Variants in ARHGAP15 observed in about 807,000 individuals in gnomAD.
The protein encoded by ARHGAP15 is rho GTPase-activating protein 15.
A neutral mutation model predicts 63.7 loss-of-function variants in ARHGAP15; 51 were observed. The ratio of observed to expected loss-of-function variants is 0.80; its 90% CI spans 0.64 to 1.01. The LOEUF is 1.01. ARHGAP15 is among the 50% of genes least tolerant of loss of function. The probability of loss-of-function intolerance (pLI) is 0.00; values close to 1 mark genes in which losing one functional copy is unlikely to be tolerated. For missense variants in ARHGAP15, 560 were observed against 564.6 expected, an observed-to-expected ratio of 0.99 and a Z score of 0.08; for synonymous variants, 191 against 193.8, an observed-to-expected ratio of 0.99 and a Z score of 0.12.
At chr2:143,542,383 C>T (rs977991554) in intron 10 of ARHGAP15, among the ~76,000 whole-genome samples, 2 of 152,066 alleles carry the variant, frequency 1.3e-5, no homozygotes, top group African/African-American at 2.4e-5. Context: ...CACCCACTCT[C>T]CTGCAACCAC....
intron 1 of ARHGAP15, among the ~76,000 whole-genome samples, chr2:143,151,130 A>G (rs185199619): frequency 8.4e-4 from 128 of 152,132 alleles, no homozygotes; most frequent in African/African-American, 3.0e-3. Context: ...TGAAATTAAT[A>G]CAGATATTCC....
At chr2:143,752,315 T>A (rs377606019) in intron 13 of ARHGAP15, among the ~76,000 whole-genome samples, 2 of 152,230 alleles carry the variant, frequency 1.3e-5, no homozygotes, top group Non-Finnish European at 2.9e-5. Context: ...ATATCAACGA[T>A]GCTTAGCAAC....
chr2:143,255,711 CT>C (rs1331542460), intron 6 of ARHGAP15, among the ~76,000 whole-genome samples: 1 of 152,020 alleles, frequency 6.6e-6, no homozygotes, highest in Non-Finnish European at 1.5e-5. Context: ...TAAATCCGAG[CT>C]TTTACCAATT....
Position 143,147,738 on chromosome 2 carries a change from C to T in ARHGAP15, c.-14-7739C>T, listed in dbSNP as rs576324298. ...TTTTCATTTGATTGTTGACCAGAAGCATTGAACATGTACCTAGATGTTCAG... is the reference window on the plus strand; with the variant it reads ...TTTTCATTTGATTGTTGACCAGAAGTATTGAACATGTACCTAGATGTTCAG... On this transcript the variant is annotated intron_variant, in intron 1 of 13. Transcript: ENST00000295095. Among the ~76,000 whole-genome samples, 7 of 152,094 alleles carry T rather than the reference C, an allele frequency of 4.6e-5. No individual in the cohort carries two copies. In the South Asian group the frequency reaches 1.2e-3, roughly 27 times the overall value.
intron 5 of ARHGAP15, among the ~76,000 whole-genome samples, chr2:143,234,100 A>G (rs1184094460): frequency 2.0e-5 from 3 of 152,178 alleles, no homozygotes; most frequent in Non-Finnish European, 2.9e-5. Flanking sequence ...CTGCATTGCA[A>G]ATAATTTCTC....
At chr2:143,543,900 A>G (rs545428594) in intron 10 of ARHGAP15, among the ~76,000 whole-genome samples, 2 of 152,288 alleles carry the variant, frequency 1.3e-5, no homozygotes, top group African/African-American at 4.8e-5. Flanking sequence ...TGTAGTACAG[A>G]ATGAAGCTGA....
chr2:143,560,892 T>C (rs1395781524), intron 11 of ARHGAP15, among the ~76,000 whole-genome samples: 1 of 152,220 alleles, frequency 6.6e-6, no homozygotes, highest in Non-Finnish European at 1.5e-5. Flanking sequence ...CTCTGCCCTG[T>C]TTGTTGAATT....
intron 3 of ARHGAP15, among the ~76,000 whole-genome samples, chr2:143,214,268 A>T (rs964726535): frequency 1.3e-5 from 2 of 152,214 alleles, no homozygotes; most frequent in Non-Finnish European, 2.9e-5. Context: ...GTTAATCAGA[A>T]GAAAACTTAA....
chr2:143,289,576 C>T (rs374229580), intron 6 of ARHGAP15, among the ~76,000 whole-genome samples: 30 of 152,280 alleles, frequency 2.0e-4, no homozygotes, highest in African/African-American at 7.0e-4. Flanking sequence ...GAAAGCAGGG[C>T]ACAGGCTGGA....
At chr2:143,747,252 A>G (rs1280815892) in intron 13 of ARHGAP15, among the ~76,000 whole-genome samples, 1 of 152,106 alleles carries the variant, frequency 6.6e-6, no homozygotes, top group Non-Finnish European at 1.5e-5. Context: ...ACTTAAAAAA[A>G]AAGAAAAAAA....
chr2:143,477,605 A>G (rs374662481), intron 8 of ARHGAP15, among the ~76,000 whole-genome samples: 2 of 152,188 alleles, frequency 1.3e-5, no homozygotes, highest in East Asian at 1.9e-4. Flanking sequence ...AAAAACTGGC[A>G]TAGCTTGAAT....
chr2:143,673,130 ATAAAT>A (rs1682612768), intron 12 of ARHGAP15, among the ~76,000 whole-genome samples: 1 of 152,198 alleles, frequency 6.6e-6, no homozygotes, highest in African/African-American at 2.4e-5. Flanking sequence ...AATATTGGTA[ATAAAT>A]TAAAAAAAAG....
At chr2:143,619,636 T>G (rs1166665855) in intron 11 of ARHGAP15, among the ~76,000 whole-genome samples, 1 of 152,148 alleles carries the variant, frequency 6.6e-6, no homozygotes, top group African/African-American at 2.4e-5. Context: ...TTGAATTGTG[T>G]TGAATTGTAA....
chr2:143,156,179 C>T (rs1690070470), intron 2 of ARHGAP15, among the ~76,000 whole-genome samples: 1 of 151,700 alleles, frequency 6.6e-6, no homozygotes, highest in African/African-American at 2.4e-5. Context: ...GAGAGGAAGC[C>T]ATTTTGTCTC....
chr2:143,694,140 T>A (rs1683739257), intron 12 of ARHGAP15, among the ~76,000 whole-genome samples: 9 of 151,786 alleles, frequency 5.9e-5, no homozygotes, highest in Admixed American at 5.3e-4. Context: ...ATGTGGTACT[T>A]CAAAAATTAA....
intron 13 of ARHGAP15, among the ~76,000 whole-genome samples, chr2:143,744,851 T>C (rs1686102058): frequency 6.6e-6 from 1 of 152,210 alleles, no homozygotes; most frequent in Admixed American, 6.5e-5. Flanking sequence ...GGAGAAAATG[T>C]ACATCCGTTG....
At chr2:143,745,190 T>C (rs568278025) in intron 13 of ARHGAP15, among the ~76,000 whole-genome samples, 7 of 152,350 alleles carry the variant, frequency 4.6e-5, no homozygotes, top group Admixed American at 2.0e-4. Context: ...GTTGCTTCCA[T>C]AGATGTATCT....
intron 9 of ARHGAP15, among the ~76,000 whole-genome samples, chr2:143,514,448 A>G (rs1384437065): frequency 6.6e-6 from 1 of 152,222 alleles, no homozygotes; most frequent in Non-Finnish European, 1.5e-5. Flanking sequence ...AACTGAAGGC[A>G]TAACTCCACA....
At chr2:143,223,698 G>C (rs6430013) in intron 4 of ARHGAP15, among the ~76,000 whole-genome samples, 25,839 of 151,966 alleles carry the variant, frequency 0.17, 2,388 homozygotes, top group Middle Eastern at 0.24. Context: ...TCCCTGACAA[G>C]TGTTCCTTAT....
Sources: allele counts gnomAD v4.1 joint callset (sites outside exome capture counted in the v4.1 genomes callset), GRCh38; gene constraint gnomAD v4.1.1; transcripts MANE v1.5; gene names NCBI Gene and HGNC (gene_info 2026-07-23, HGNC 2026-07-21).